PTPRN2: variants seen among roughly 807,000 people sequenced by gnomAD.
The protein encoded by PTPRN2 is protein tyrosine phosphatase receptor type N2, also known as receptor-type tyrosine-protein phosphatase N2.
Under a neutral mutation model 118.8 loss-of-function variants are expected in PTPRN2, and 74 were observed. That is an observed-to-expected ratio of 0.62 (90% confidence interval 0.52 to 0.76). PTPRN2 has a LOEUF of 0.76. Ranked by LOEUF, PTPRN2 falls within the 30% of genes least tolerant of loss-of-function variation. PTPRN2 has a pLI of 0.00. For synonymous variants in PTPRN2, 641 were observed against 608.0 expected (o/e 1.05, Z -0.80); for missense variants, 1,481 against 1,394.4 (o/e 1.06, Z -0.99).
chr7:157,633,731 G>T (rs951005874), intron 14 of PTPRN2, among the ~76,000 whole-genome samples: 2 of 152,208 alleles, frequency 1.3e-5, no homozygotes, highest in African/African-American at 4.8e-5. Flanking sequence ...GGGCAGGAGG[G>T]CGTGGCCACT....
rs1375244448 is a variant in PTPRN2, at chr7:158,438,853, T to C, written c.163+50882A>G. Among the ~76,000 whole-genome samples the C allele has an allele frequency of 6.6e-6, 1 of 152,108 alleles. No homozygotes were observed. The highest frequency in any genetic ancestry group is 1.5e-5 in the Non-Finnish European group (1 of 68,002). ...GGGCCTGGGAAAGGAAAACAAACCT[T>C]GGGACTCCAAAATCTCCAGGCTAAA... On this transcript the variant is annotated intron_variant, in intron 2 of 22. Coordinates refer to ENST00000389418, the MANE Select transcript of PTPRN2 (RefSeq NM_002847.5). This position sits in a 1 kb window ranked among gnomAD's most constrained non-coding sequence, Gnocchi z 4.7.
At chr7:158,061,279 C>T (rs1448118956) in intron 11 of PTPRN2, among the ~76,000 whole-genome samples, 4 of 152,218 alleles carry the variant, frequency 2.6e-5, no homozygotes, top group African/African-American at 9.6e-5. Flanking sequence ...CACAAAGGAC[C>T]CAGGGACCAC....
rs1805303413 is a variant in PTPRN2 at position 157,801,521 on chromosome 7, T to G, written c.1788+97152A>C. ...ATGAAACAGCACAAATCCCCATTTCTGCCCCACTGGGTTGAGAAATCTGTG... is the reference window on the plus strand; with the variant it reads ...ATGAAACAGCACAAATCCCCATTTCGGCCCCACTGGGTTGAGAAATCTGTG... On this transcript the variant is annotated intron_variant, in intron 12 of 22. Coordinates refer to ENST00000389418, the MANE Select transcript of PTPRN2 (RefSeq NM_002847.5). This position sits in a 1 kb window ranked among gnomAD's most constrained non-coding sequence, Gnocchi z 4.2. Among the ~76,000 whole-genome samples the G allele has an allele frequency of 6.6e-6, 1 of 152,182 alleles. No homozygotes were observed. Among genetic ancestry groups the G allele is most frequent in the African/African-American group, 2.4e-5 (1 of 41,432 alleles).
intron 14 of PTPRN2, among the ~76,000 whole-genome samples, chr7:157,625,213 G>A (rs951903006): frequency 6.6e-6 from 1 of 152,136 alleles, no homozygotes; most frequent in Admixed American, 6.5e-5. Context: ...CATATGATCC[G>A]GCAATCCCAC....
At chr7:158,078,222 C>T (rs2128928292) in intron 11 of PTPRN2, among the ~76,000 whole-genome samples, 1 of 152,304 alleles carries the variant, frequency 6.6e-6, no homozygotes, top group East Asian at 1.9e-4. Context: ...AATGAATGCC[C>T]TTTGAATTCT....
At chr7:158,298,169 C>T (rs1363008071) in intron 3 of PTPRN2, among the ~76,000 whole-genome samples, 2 of 152,124 alleles carry the variant, frequency 1.3e-5, no homozygotes, top group African/African-American at 2.4e-5. Context: ...AGAGATATTT[C>T]TGCTGTTTGT....
At chr7:158,139,714 CAT>C (rs1325954230) in intron 6 of PTPRN2, among the ~76,000 whole-genome samples, 1 of 152,138 alleles carries the variant, frequency 6.6e-6, no homozygotes, top group African/African-American at 2.4e-5. Context: ...ACGCTCCACA[CAT>C]GAGAATGGAA....
At chr7:157,885,754 A>C (rs568131356) in intron 12 of PTPRN2, among the ~76,000 whole-genome samples, 32 of 152,340 alleles carry the variant, frequency 2.1e-4, no homozygotes, top group South Asian at 1.0e-3. Flanking sequence ...TGAGAAAAGG[A>C]ACTTAATTTG....
rs557536356 is a variant in PTPRN2, at chr7:158,137,848, C to T, written c.1132+446G>A. On this transcript the variant is annotated intron_variant, in intron 7 of 22. Coordinates refer to ENST00000389418, the MANE Select transcript of PTPRN2 (RefSeq NM_002847.5). ...GCTGACCCATGGGGCCTCCACAGGG[C>T]TCCGGATGCCTGCCGGGGTAGTGGT... 2.8e-4 allele frequency among the ~76,000 whole-genome samples: 43 copies of T among 152,322 alleles called. 1 individual carries two copies. The highest frequency in any genetic ancestry group is 1.2e-3 in the Admixed American group (19 of 15,304).
chr7:158,386,028 G>A (rs1179983381), intron 2 of PTPRN2, among the ~76,000 whole-genome samples: 50 of 84,792 alleles, frequency 5.9e-4, no homozygotes, highest in African/African-American at 2.1e-3. Flanking sequence ...CCCTCCTCCC[G>A]TGCCCCGAGT....
At chr7:158,337,562 C>G (rs1805905352) in intron 2 of PTPRN2, among the ~76,000 whole-genome samples, 1 of 140,732 alleles carries the variant, frequency 7.1e-6, no homozygotes, top group Non-Finnish European at 1.6e-5. Context: ...CCCACACTCT[C>G]ACCATAATTG....
At chr7:158,037,937 G>A (rs1808200286) in intron 11 of PTPRN2, among the ~76,000 whole-genome samples, 1 of 152,202 alleles carries the variant, frequency 6.6e-6, no homozygotes, top group Non-Finnish European at 1.5e-5. Flanking sequence ...TGGTGAGTTA[G>A]AGAAGCCAGA....
intron 22 of PTPRN2, among the ~76,000 whole-genome samples, chr7:157,542,521 C>T (rs965941853): frequency 5.3e-5 from 8 of 150,744 alleles, no homozygotes; most frequent in African/African-American, 2.0e-4. Flanking sequence ...CAGTGCTAAT[C>T]CTGCAGAGCT....
intron 5 of PTPRN2, 89 bp from the exon 6 acceptor site, chr7:158,167,380 G>A: frequency 6.7e-7 from 1 of 1,481,604 alleles, no homozygotes; most frequent in Non-Finnish European, 9.0e-7. Flanking sequence ...CAGTTTTCAA[G>A]GTCCTAAACA....
At chr7:157,972,423 T>C (rs189179844) in intron 11 of PTPRN2, among the ~76,000 whole-genome samples, 1 of 152,272 alleles carries the variant, frequency 6.6e-6, no homozygotes, top group East Asian at 1.9e-4. Context: ...AGAATGCCTA[T>C]GTCACCCAAG....
chr7:158,021,549 C>T (rs543252501), intron 11 of PTPRN2, among the ~76,000 whole-genome samples: 3 of 151,986 alleles, frequency 2.0e-5, no homozygotes, highest in Non-Finnish European at 4.4e-5. Flanking sequence ...ATATAAATCT[C>T]CCCCCGAGAG....
At chr7:157,570,400 A>G (rs1487275146) in intron 20 of PTPRN2, among the ~76,000 whole-genome samples, 1 of 152,264 alleles carries the variant, frequency 6.6e-6, no homozygotes, top group East Asian at 1.9e-4. Flanking sequence ...TCTCTCATAG[A>G]CAGGAATGCA....
At chr7:158,578,762 T>C (rs184705252) in intron 1 of PTPRN2, among the ~76,000 whole-genome samples, 157 of 152,038 alleles carry the variant, frequency 1.0e-3, no homozygotes, top group Non-Finnish European at 2.0e-3. Flanking sequence ...CTCTTTTTTT[T>C]TTTGTTGTTG....
intron 1 of PTPRN2, among the ~76,000 whole-genome samples, chr7:158,549,345 G>A (rs1826495472): frequency 6.6e-6 from 1 of 152,234 alleles, no homozygotes; most frequent in African/African-American, 2.4e-5. Flanking sequence ...GCCGTGCCCT[G>A]CCTCCTCTGG....
Sources: allele counts gnomAD v4.1 joint callset (sites outside exome capture counted in the v4.1 genomes callset), GRCh38; gene constraint gnomAD v4.1.1; non-coding constraint Gnocchi (gnomAD v3.1); transcripts MANE v1.5; gene names NCBI Gene and HGNC (gene_info 2026-07-23, HGNC 2026-07-21).